Variants in FBXO39 observed in about 807,000 individuals in gnomAD.
FBXO39 encodes F-box only protein 39.
A neutral mutation model predicts 36.6 loss-of-function variants in FBXO39; 22 were observed. The observed-to-expected ratio is 0.60, with a 90% CI of 0.43 to 0.86. FBXO39 has a LOEUF of 0.86. FBXO39 is among the 40% of genes least tolerant of loss of function. The probability of loss-of-function intolerance (pLI) is 0.00; values close to 1 mark genes in which losing one functional copy is unlikely to be tolerated. For synonymous variants in FBXO39, 206 were observed against 205.8 expected (o/e 1.00, Z -0.01); for missense variants, 536 against 543.9 (o/e 0.99, Z 0.14).
intron 2 of FBXO39, among the ~76,000 whole-genome samples, chr17:6,785,148 G>C (rs1284747257): frequency 6.6e-6 from 1 of 151,858 alleles, no homozygotes; most frequent in East Asian, 1.9e-4. Context: ...ATCCCATAAA[G>C]ACCAATGGAA....
At chr17:6,782,860 A>G (rs1022788326) in intron 2 of FBXO39, among the ~76,000 whole-genome samples, 3 of 152,178 alleles carry the variant, frequency 2.0e-5, no homozygotes, top group Non-Finnish European at 4.4e-5. Flanking sequence ...TATTGGGTAG[A>G]TCTTCAAGAC....
chr17:6,781,358 C>G (rs375733631), intron 2 of FBXO39, among the ~76,000 whole-genome samples: 1 of 152,018 alleles, frequency 6.6e-6, no homozygotes, highest in Non-Finnish European at 1.5e-5. Context: ...CCAGGCCAGA[C>G]AAAAAGTCAA....
chr17:6,778,738 T>C (rs1976464628), intron 1 of FBXO39, among the ~76,000 whole-genome samples: 1 of 152,150 alleles, frequency 6.6e-6, no homozygotes, highest in Non-Finnish European at 1.5e-5. Context: ...CAAAAAACTG[T>C]AAAAAGTTTA....
chr17:6,776,433 A>C (rs1334285427), intron 1 of FBXO39, among the ~76,000 whole-genome samples, 161 bp downstream of exon 1: 1 of 89,712 alleles, frequency 1.1e-5, no homozygotes, highest in African/African-American at 4.6e-5. Context: ...CTTTGGCTGC[A>C]GGAGTTGCCA....
At chr17:6,787,094 G>A in intron 3 of FBXO39, 138 bp downstream of exon 3, 1 of 1,317,726 alleles carries the variant, frequency 7.6e-7, no homozygotes, top group South Asian at 1.5e-5. Flanking sequence ...TCAAAGAAGG[G>A]AATCTGGAGC....
chr17:6,777,368 C>T (rs1810090), intron 1 of FBXO39, among the ~76,000 whole-genome samples: 69,338 of 151,764 alleles, frequency 0.46, 16,009 homozygotes, highest in East Asian at 0.55. Flanking sequence ...TGTTTGATTT[C>T]CTGTTCCTGC....
chr17:6,781,775 C>A (rs1976511383), intron 2 of FBXO39, among the ~76,000 whole-genome samples: 1 of 152,200 alleles, frequency 6.6e-6, no homozygotes, highest in South Asian at 2.1e-4. Flanking sequence ...CCTCTAAGAA[C>A]TACATGTCCA....
chr17:6,781,383 A>G lies in FBXO39; in HGVS notation c.1023+492A>G, dbSNP rs955405980. On this transcript the variant is annotated intron_variant, in intron 2 of 3. Transcript: ENST00000321535. ...CAAAAAGTCAAATTTGATTTACACA[A>G]CCGAAGAGCTCAGAGTTTCTGGGTT... Among the ~76,000 whole-genome samples, 4 of 152,042 alleles carry G rather than the reference A, an allele frequency of 2.6e-5. 1 individual carries two copies. The highest frequency in any genetic ancestry group is 2.0e-4 in the Admixed American group (3 of 15,248).
At position 6,779,891 on chromosome 17, in the gene FBXO39, T is replaced by C. The variant is rs1198007311; in HGVS notation, c.23T>C (p.Ile8Thr). 19 of 1,614,040 alleles carry C rather than the reference T, an allele frequency of 1.2e-5. No individual in the cohort carries two copies. In the Admixed American group the frequency reaches 3.2e-4, roughly 27 times the overall value. ...TGGATGGACGAAGAAAGTGAACTGA[T>C]CCAGCCCCAAGACCAGAGCTGCTGG... Reference protein sequence around the residue: MDEESELIQPQDQSCWAF... With the variant: MDEESELTQPQDQSCWAF... Residue 8 changes from isoleucine (I) to threonine (T), a missense_variant, in exon 2 of 4, where the codon ATC becomes ACC. Ile to Thr is a moderately conservative substitution (Grantham distance 89). Coordinates refer to ENST00000321535, the MANE Select transcript of FBXO39 (RefSeq NM_153230.3).
At chr17:6,785,101 A>G (rs1337193781) in intron 2 of FBXO39, among the ~76,000 whole-genome samples, 1 of 152,074 alleles carries the variant, frequency 6.6e-6, no homozygotes, top group Non-Finnish European at 1.5e-5. Flanking sequence ...ACATAAAAAC[A>G]GATTTTAAGC....
chr17:6,777,560 C>A, intron 1 of FBXO39, among the ~76,000 whole-genome samples: 1 of 152,192 alleles, frequency 6.6e-6, no homozygotes, highest in East Asian at 1.9e-4. Context: ...AGCTTTTAAA[C>A]TGGTTTATCT....
At chr17:6,784,643 C>T (rs566788247) in intron 2 of FBXO39, among the ~76,000 whole-genome samples, 1 of 151,894 alleles carries the variant, frequency 6.6e-6, no homozygotes, top group South Asian at 2.1e-4. Flanking sequence ...AAAAAGAAAT[C>T]AAGAAAGTAA....
chr17:6,787,529 C>G lies in FBXO39; in HGVS notation c.*101C>G. 5.0e-6 allele frequency: 7 copies of G among 1,399,012 alleles called. No homozygotes were observed. The highest frequency in any genetic ancestry group is 6.7e-6 in the Non-Finnish European group (7 of 1,038,132). The allele number at this position is 1,399,012 out of a possible 1,614,324, so 86.7% of individuals were successfully genotyped here. A position where few individuals can be genotyped will look rare whatever the true frequency, so the allele number is the denominator to read the frequency against. On this transcript the variant is annotated 3_prime_UTR_variant, in exon 4 of 4. Transcript: ENST00000321535. The stretch of plus-strand genomic sequence containing the variant: ...ACTGCCGGCCCTTTTGCTCCTCTCT[C>G]TCCCCTCCACTTTTTTTTTTTGTCA...
chr17:6,780,048 C>T lies in FBXO39; in HGVS notation c.180C>T (p.Thr60=). 6.2e-7 allele frequency: 1 copy of T among 1,614,186 alleles called. No homozygotes were observed. Among genetic ancestry groups the T allele is most frequent in the Non-Finnish European group, 8.5e-7 (1 of 1,180,034 alleles). ...CTGCTGAGCTCTGGCGGTACAGAAC[C>T]ATCACCTTCAGCGGGAGACCTTCCA... ...MYSAELWRYR[T]ITFSGRPSRV... The change falls in exon 2 of 4, where the codon ACC becomes ACT. Residue 60 remains threonine (T), a synonymous_variant. Coordinates refer to ENST00000321535, the MANE Select transcript of FBXO39 (RefSeq NM_153230.3).
At position 6,786,796 on chromosome 17, in the gene FBXO39, TCAA is replaced by T. The variant is rs764570357; in HGVS notation, c.1048_1050del (p.Asn350del). ...CTCTTCCAGAAATTAACTTGTGAATTCAACAACAACCATGAGTCACTCGACGAG... is the reference window on the plus strand; with the variant it reads ...CTCTTCCAGAAATTAACTTGTGAATTCAACAACCATGAGTCACTCGACGAG... On this transcript the variant is annotated inframe_deletion, in exon 3 of 4. Transcript: ENST00000321535. The T allele has an allele frequency of 1.9e-6, 3 of 1,606,478 alleles. No individual in the cohort carries two copies. Among genetic ancestry groups the T allele is most frequent in the African/African-American group, 2.7e-5 (2 of 74,648 alleles).
At chr17:6,784,811 A>G (rs931920028) in intron 2 of FBXO39, among the ~76,000 whole-genome samples, 4 of 152,046 alleles carry the variant, frequency 2.6e-5, no homozygotes, top group Admixed American at 1.3e-4. Flanking sequence ...GGAAGAATCA[A>G]TGTTGTCAAA....
At chr17:6,784,929 A>ATATATATATATATATGTG (rs1491434533) in intron 2 of FBXO39, among the ~76,000 whole-genome samples, 10 of 136,262 alleles carry the variant, frequency 7.3e-5, no homozygotes, top group African/African-American at 3.1e-4. Flanking sequence ...ATATATATAT[A>ATATATATATATATATGTG]TGTGTGTGTG....
Position 6,780,325 on chromosome 17 carries a change from T to C in FBXO39, c.457T>C (p.Leu153=). The change falls in exon 2 of 4, where the codon TTG becomes CTG. Residue 153 remains leucine (L), a synonymous_variant. Coordinates refer to ENST00000321535, the MANE Select transcript of FBXO39 (RefSeq NM_153230.3). ...CATCAGGAGCTCATTCATCAGCAGC[T>C]TGAGCTTCTTCTTAAAGAAGATGGG... ...NSIRSSFISS[L]SFFLKKMGKR... is the part of the protein sequence containing the mutation. The C allele has an allele frequency of 6.2e-7, 1 of 1,614,142 alleles. No homozygotes were observed. Among genetic ancestry groups the C allele is most frequent in the Non-Finnish European group, 8.5e-7 (1 of 1,180,032 alleles).
In FBXO39 at chr17:6,780,194, A is replaced by T. The variant is rs377353189; in HGVS notation, c.326A>T (p.Gln109Leu). 3 of 1,614,098 alleles carry T rather than the reference A, an allele frequency of 1.9e-6. No homozygotes were observed. In the African/African-American group the frequency reaches 4.0e-5, roughly 22 times the overall value. ...AATGCTGTCTTGACCAAGAAGTTCC[A>T]GGTCACCATGCGGGGCCTCCTGTCT... ...PYNAVLTKKF[Q>L]VTMRGLLSCL... Residue 109 changes from glutamine (Q) to leucine (L), a missense_variant, in exon 2 of 4, where the codon CAG becomes CTG. Transcript: ENST00000321535.
Sources: gnomAD v4.1 joint callset for allele counts (sites outside exome capture counted in the v4.1 genomes callset) on GRCh38, gnomAD v4.1.1 for gene constraint, MANE v1.5 for transcripts, NCBI Gene and HGNC (gene_info 2026-07-23, HGNC 2026-07-21) for gene names.